The following MSH4 variants were observed in gnomAD, a reference collection of about 807,000 sequenced individuals.
The protein encoded by MSH4 is mutS protein homolog 4.
MSH4 carries 106 observed loss-of-function variants against 113.7 expected under a neutral mutation model. That is an observed-to-expected ratio of 0.93 (90% CI 0.80 to 1.10). The LOEUF (loss-of-function observed/expected upper bound fraction) is 1.10, where lower values mean the gene tolerates loss of function less well. MSH4 is among the 50% of genes least tolerant of loss of function. The pLI is 0.00. For missense variants in MSH4, 1,061 were observed against 1,093.7 expected (o/e 0.97, Z 0.42); for synonymous variants, 368 against 380.2 (o/e 0.97, Z 0.37).
At chr1:75,798,359 T>A (rs569665626) in intron 1 of MSH4, among the ~76,000 whole-genome samples, 1 of 152,312 alleles carries the variant, frequency 6.6e-6, no homozygotes, top group Non-Finnish European at 1.5e-5. Context: ...AGAGAATTGC[T>A]GTGCCCACCT....
At chr1:75,887,531 G>T (rs1023067736) in intron 15 of MSH4, among the ~76,000 whole-genome samples, 2 of 151,974 alleles carry the variant, frequency 1.3e-5, no homozygotes, top group Admixed American at 6.6e-5. Flanking sequence ...CGCATTTCAC[G>T]TTTATCTGCC....
At chr1:75,801,585 AG>A (rs1441344866) in intron 1 of MSH4, among the ~76,000 whole-genome samples, 1 of 148,104 alleles carries the variant, frequency 6.8e-6, no homozygotes, top group Non-Finnish European at 1.5e-5. Context: ...AAAAAAAAAA[AG>A]TTTATGCTGA....
intron 18 of MSH4, among the ~76,000 whole-genome samples, 192 bp from the exon 19 acceptor site, chr1:75,899,426 A>T (rs5745543): frequency 0.28 from 43,285 of 152,026 alleles, 6,469 homozygotes; most frequent in Middle Eastern, 0.37. Flanking sequence ...TGGATAAGTA[A>T]TTAAATCTAA....
chr1:75,882,660 T>G (rs1384519147), intron 14 of MSH4, among the ~76,000 whole-genome samples: 3 of 72,444 alleles, frequency 4.1e-5, no homozygotes, highest in Non-Finnish European at 8.9e-5. Flanking sequence ...TAGACCTCAT[T>G]TCTAAAAAAA....
intron 3 of MSH4, among the ~76,000 whole-genome samples, chr1:75,809,170 C>T (rs1650133145): frequency 6.6e-6 from 1 of 152,094 alleles, no homozygotes; most frequent in South Asian, 2.1e-4. Flanking sequence ...TGAATTGCCC[C>T]TCGGGTTCCC....
Position 75,848,201 on chromosome 1 carries a change from TG to T in MSH4, c.1163-7del, listed in dbSNP as rs1303150730. 3.2e-6 allele frequency: 5 copies of T among 1,585,592 alleles called. No homozygotes were observed. The South Asian group carries it at 5.7e-5, about 18-fold the overall frequency. ...GTTTAAATACTCACATTTGTTTGTT[TG>T]TTTCAGTTATATCAAGATTTCTTGA... On this transcript the variant is annotated splice_region_variant and splice_polypyrimidine_tract_variant and intron_variant, in intron 7 of 19. Coordinates refer to ENST00000263187, the MANE Select transcript of MSH4 (RefSeq NM_002440.4).
Position 75,797,359 on chromosome 1 carries a change from C to T in MSH4, c.244+130C>T, listed in dbSNP as rs1649840263. ...GGTTGGGGCGTGAGATCTGAGTGCC[C>T]TGGGAATTTGGTGAGTCTGGGTGAT... On this transcript the variant is annotated intron_variant, in intron 1 of 19. Coordinates refer to ENST00000263187, the MANE Select transcript of MSH4 (RefSeq NM_002440.4). The T allele has an allele frequency of 3.9e-6, 5 of 1,293,614 alleles. No homozygotes were observed. The Admixed American group carries it at 1.3e-4, about 35-fold the overall frequency. The allele number at this position is 1,293,614 out of a possible 1,614,324, so 80.1% of individuals were successfully genotyped here.
At chr1:75,876,667 G>A (rs563682101) in intron 9 of MSH4, among the ~76,000 whole-genome samples, 57 of 151,976 alleles carry the variant, frequency 3.8e-4, no homozygotes, top group Admixed American at 2.0e-3. Flanking sequence ...GTAAGTTGTC[G>A]GGTGTTAACA....
intron 1 of MSH4, 146 bp downstream of exon 1, chr1:75,797,375 T>G (rs1025215943): frequency 1.7e-6 from 2 of 1,151,464 alleles, no homozygotes; most frequent in Non-Finnish European, 2.4e-6. Flanking sequence ...ATTTGGTGAG[T>G]CTGGGTGATT....
At chr1:75,857,007 G>A (rs1471689662) in intron 8 of MSH4, among the ~76,000 whole-genome samples, 1 of 152,126 alleles carries the variant, frequency 6.6e-6, no homozygotes, top group Non-Finnish European at 1.5e-5. Context: ...GTATCTAGTT[G>A]TGGTTTTGAT....
intron 18 of MSH4, 120 bp from the exon 19 acceptor site, chr1:75,899,498 C>T (rs1652462408): frequency 3.9e-6 from 2 of 506,622 alleles, no homozygotes; most frequent in Middle Eastern, 4.7e-4. Flanking sequence ...TTGAGTAGTT[C>T]AGAAGTGCCT....
chr1:75,866,554 C>T (rs1651565573), intron 8 of MSH4, among the ~76,000 whole-genome samples: 1 of 152,132 alleles, frequency 6.6e-6, no homozygotes, highest in African/African-American at 2.4e-5. Context: ...TTTCAGAGAT[C>T]CATTGTAAGA....
At chr1:75,833,108 T>C (rs961557412) in intron 7 of MSH4, among the ~76,000 whole-genome samples, 8 of 152,150 alleles carry the variant, frequency 5.3e-5, no homozygotes, top group African/African-American at 1.7e-4. Flanking sequence ...AAAATCAATG[T>C]GCAAAAATCA....
At chr1:75,870,826 A>G (rs956889155) in intron 9 of MSH4, among the ~76,000 whole-genome samples, 3 of 152,220 alleles carry the variant, frequency 2.0e-5, no homozygotes, top group Admixed American at 6.5e-5. Context: ...GTGGCAAAAG[A>G]CTTCAAAAAT....
chr1:75,819,234 G>A lies in MSH4; in HGVS notation c.989+2688G>A, dbSNP rs146712181. ...TGGCTAAGTGCGGTGGCTCATGCCT[G>A]TAATCCCAGCACCCTGGGCAGGCCA... On this transcript the variant is annotated intron_variant, in intron 6 of 19. Coordinates refer to ENST00000263187, the MANE Select transcript of MSH4 (RefSeq NM_002440.4). Among the ~76,000 whole-genome samples, 3 of 152,274 alleles carry A rather than the reference G, an allele frequency of 2.0e-5. No individual in the cohort carries two copies. The East Asian group carries it at 5.8e-4, about 29-fold the overall frequency.
At chr1:75,816,774 G>T (rs987289697) in intron 6 of MSH4, among the ~76,000 whole-genome samples, 1 of 152,078 alleles carries the variant, frequency 6.6e-6, no homozygotes, top group African/African-American at 2.4e-5. Flanking sequence ...CTACAGGCAT[G>T]TGCCACCATG....
chr1:75,862,689 C>T (rs1040481005), intron 8 of MSH4, among the ~76,000 whole-genome samples: 4 of 152,100 alleles, frequency 2.6e-5, no homozygotes, highest in African/African-American at 9.7e-5. Context: ...GCTCTTTTCT[C>T]ATTTAATATA....
At chr1:75,867,649 G>GA (rs147633530) in intron 9 of MSH4, 61 bp downstream of exon 9, 53,715 of 1,177,678 alleles carry the variant, frequency 0.046, 1,684 homozygotes, top group Non-Finnish European at 0.054. Context: ...CTTTTTGTTG[G>GA]AAAAAAATTT....
At chr1:75,891,304 A>G (rs1398129350) in intron 17 of MSH4, among the ~76,000 whole-genome samples, 7 of 152,154 alleles carry the variant, frequency 4.6e-5, no homozygotes, top group Admixed American at 4.6e-4. Flanking sequence ...TAATTTATAA[A>G]ATATCTTTTT....
Sources: allele counts gnomAD v4.1 joint callset (sites outside exome capture counted in the v4.1 genomes callset), GRCh38; gene constraint gnomAD v4.1.1; transcripts MANE v1.5; gene names NCBI Gene and HGNC (gene_info 2026-07-23, HGNC 2026-07-21).